ENTREP2: variants seen among roughly 807,000 people sequenced by gnomAD.
The protein encoded by ENTREP2 is endosomal transmembrane epsin interactor 2, also known as protein ENTREP2.
At chr15:29,224,940 G>A in the ENTREP2 span, among the ~76,000 whole-genome samples, 6 of 152,158 alleles carry the variant, frequency 3.9e-5, no homozygotes, top group South Asian at 2.1e-4. Flanking sequence ...CCTGCCCCGC[G>A]GGAAGGCAGC....
At chr15:29,618,416 C>T in the ENTREP2 span, among the ~76,000 whole-genome samples, 1 of 145,486 alleles carries the variant, frequency 6.9e-6, no homozygotes, top group African/African-American at 2.6e-5. Context: ...GTGTGAGACT[C>T]TGTCTCAAAA....
chr15:29,493,597 C>T, the ENTREP2 span, among the ~76,000 whole-genome samples: 4 of 39,088 alleles, frequency 1.0e-4, no homozygotes, highest in South Asian at 8.1e-4. Context: ...AGCCAGTGTG[C>T]AGAGTAAGAT....
chr15:29,141,053 T>C, the ENTREP2 span, among the ~76,000 whole-genome samples: 1 of 152,204 alleles, frequency 6.6e-6, no homozygotes, highest in Non-Finnish European at 1.5e-5. Flanking sequence ...AACTCAGGTG[T>C]GTGCTGTCCA....
the ENTREP2 span, among the ~76,000 whole-genome samples, chr15:29,407,291 A>G: frequency 2.6e-5 from 4 of 152,230 alleles, no homozygotes; most frequent in African/African-American, 9.6e-5. Flanking sequence ...ATAACGGTAC[A>G]GTAAAAACAT....
At chr15:29,255,756 C>T in the ENTREP2 span, among the ~76,000 whole-genome samples, 1 of 151,980 alleles carries the variant, frequency 6.6e-6, no homozygotes, top group African/African-American at 2.4e-5. Context: ...AATCCCAGCA[C>T]TTTGGGGGGT....
chr15:29,553,038 G>A, the ENTREP2 span, among the ~76,000 whole-genome samples: 64 of 152,356 alleles, frequency 4.2e-4, no homozygotes, highest in African/African-American at 1.3e-3. Flanking sequence ...GCTCACGCCT[G>A]TAATCCCAAC....
At chr15:29,235,994 A>G in the ENTREP2 span, among the ~76,000 whole-genome samples, 59,428 of 151,534 alleles carry the variant, frequency 0.39, 11,905 homozygotes, top group East Asian at 0.6. Flanking sequence ...AAAAAAACCC[A>G]AAGCAAACAG....
chr15:29,525,380 T>C, the ENTREP2 span, among the ~76,000 whole-genome samples: 1 of 152,242 alleles, frequency 6.6e-6, no homozygotes, highest in African/African-American at 2.4e-5. Context: ...TACAACTGTT[T>C]ACTGGAATAC....
chr15:29,670,203 G>A, the ENTREP2 span, among the ~76,000 whole-genome samples: 12 of 152,212 alleles, frequency 7.9e-5, no homozygotes, highest in Admixed American at 3.3e-4. Flanking sequence ...GGGGACTGAA[G>A]GGAGGTGACA....
At chr15:29,390,371 A>G in the ENTREP2 span, among the ~76,000 whole-genome samples, 1 of 152,188 alleles carries the variant, frequency 6.6e-6, no homozygotes, top group East Asian at 1.9e-4. Context: ...CACAAAGAAT[A>G]TGGAGAAAAC....
chr15:29,568,710 C>CAAAAAAAAAAAAA, the ENTREP2 span, among the ~76,000 whole-genome samples: 1 of 128,186 alleles, frequency 7.8e-6, no homozygotes, highest in Non-Finnish European at 1.6e-5. Context: ...CCTCTTAAGG[C>CAAAAAAAAAAAAA]AAAAAAAAAA....
At chr15:29,553,886 A>C in the ENTREP2 span, among the ~76,000 whole-genome samples, 19 of 152,340 alleles carry the variant, frequency 1.2e-4, no homozygotes, top group Middle Eastern at 3.4e-3. Flanking sequence ...ATGAGACCTC[A>C]AGCAAGAATC....
At chr15:29,659,798 C>CTA in the ENTREP2 span, among the ~76,000 whole-genome samples, 18 of 141,848 alleles carry the variant, frequency 1.3e-4, no homozygotes, top group African/African-American at 5.5e-4. Context: ...GAATATGCCA[C>CTA]TATATTTTTT....
the ENTREP2 span, among the ~76,000 whole-genome samples, chr15:29,152,723 T>C: frequency 2.0e-5 from 3 of 152,236 alleles, no homozygotes; most frequent in Admixed American, 6.5e-5. Context: ...TTGTGGGCTA[T>C]TACAAATAAA....
At chr15:29,643,421 A>G in the ENTREP2 span, among the ~76,000 whole-genome samples, 28 of 152,178 alleles carry the variant, frequency 1.8e-4, no homozygotes, top group African/African-American at 6.3e-4. Context: ...TCTAAACCAC[A>G]TGAGACGGCA....
chr15:29,606,716 C>T, the ENTREP2 span, among the ~76,000 whole-genome samples: 1 of 151,728 alleles, frequency 6.6e-6, no homozygotes, highest in East Asian at 1.9e-4. Context: ...AAGAATTTCT[C>T]TAGAGGTTCA....
chr15:29,155,092 C>A, the ENTREP2 span, among the ~76,000 whole-genome samples: 1 of 150,638 alleles, frequency 6.6e-6, no homozygotes, highest in Non-Finnish European at 1.5e-5. Context: ...ACCATCCTGG[C>A]TAACACGGTG....
At chr15:29,217,579 T>C in the ENTREP2 span, among the ~76,000 whole-genome samples, 1 of 152,202 alleles carries the variant, frequency 6.6e-6, no homozygotes, top group African/African-American at 2.4e-5. Flanking sequence ...TGCATTTCTA[T>C]AAGTGTGTCC....
At chr15:29,423,873 A>C in the ENTREP2 span, among the ~76,000 whole-genome samples, 1 of 152,286 alleles carries the variant, frequency 6.6e-6, no homozygotes, top group East Asian at 1.9e-4. Flanking sequence ...TCACAGACGT[A>C]TGTGGACACC....
Sources: allele counts gnomAD v4.1 joint callset (sites outside exome capture counted in the v4.1 genomes callset), GRCh38; gene constraint gnomAD v4.1.1; transcripts MANE v1.5; gene names NCBI Gene and HGNC (gene_info 2026-07-23, HGNC 2026-07-21).